Variants in STXBP5L observed in about 807,000 individuals in gnomAD.
STXBP5L encodes syntaxin binding protein 5L.
Under a neutral mutation model 144.5 loss-of-function variants are expected in STXBP5L, and 65 were observed. The ratio of observed to expected loss-of-function variants is 0.45; its 90% CI spans 0.37 to 0.55. STXBP5L has a LOEUF of 0.55. Ranked by LOEUF, STXBP5L falls within the 20% of genes least tolerant of loss-of-function variation. The pLI is 0.00. For synonymous variants in STXBP5L, 505 were observed against 469.6 expected, an observed-to-expected ratio of 1.08 and a Z score of -0.97; for missense variants, 1,298 against 1,405.5, an observed-to-expected ratio of 0.92 and a Z score of 1.22.
intron 5 of STXBP5L, among the ~76,000 whole-genome samples, chr3:121,084,968 A>T (rs1466961318): frequency 6.6e-6 from 1 of 151,998 alleles, no homozygotes; most frequent in African/African-American, 2.4e-5. Context: ...ATGATCAATG[A>T]TGTTGACTTT....
At chr3:121,046,566 T>G (rs1449853056) in intron 5 of STXBP5L, among the ~76,000 whole-genome samples, 1 of 152,148 alleles carries the variant, frequency 6.6e-6, no homozygotes, top group East Asian at 1.9e-4. Flanking sequence ...AGGGATTCAA[T>G]TTCTCCCTGG....
chr3:121,260,061 C>T lies in STXBP5L; in HGVS notation c.1958+893C>T, dbSNP rs115920746. Among the ~76,000 whole-genome samples the T allele has an allele frequency of 4.0e-3, 607 of 152,138 alleles. 5 individuals are homozygous for T. The highest frequency in any genetic ancestry group is 7.3e-3 in the South Asian group (35 of 4,824). On this transcript the variant is annotated intron_variant, in intron 18 of 26. Transcript: ENST00000471454. ...AGGTTGTGTCAAACTATACTCCCAC[C>T]ACCAATGTTTAGAATGTCTACTTTC...
intron 3 of STXBP5L, among the ~76,000 whole-genome samples, chr3:121,033,858 A>T (rs995875091): frequency 6.6e-6 from 1 of 152,072 alleles, no homozygotes; most frequent in African/African-American, 2.4e-5. Context: ...CAGCCTGTGA[A>T]AACATGAATT....
At chr3:121,043,371 G>A (rs1237108506) in intron 4 of STXBP5L, among the ~76,000 whole-genome samples, 3 of 151,986 alleles carry the variant, frequency 2.0e-5, no homozygotes, top group Non-Finnish European at 2.9e-5. Context: ...TAGTGGTACC[G>A]TTCACTTCTC....
chr3:121,044,903 C>G (rs1947404495), intron 4 of STXBP5L, among the ~76,000 whole-genome samples: 3 of 151,910 alleles, frequency 2.0e-5, no homozygotes, highest in Admixed American at 6.6e-5. Flanking sequence ...TGGATATTTC[C>G]TTTATAATTG....
chr3:121,188,389 A>G (rs2047490074), intron 9 of STXBP5L, among the ~76,000 whole-genome samples: 3 of 152,146 alleles, frequency 2.0e-5, no homozygotes, highest in Non-Finnish European at 4.4e-5. Flanking sequence ...AACTCACTCA[A>G]AACTGCTCAA....
At position 121,124,576 on chromosome 3, in the gene STXBP5L, A is replaced by T. The variant is rs531520883; in HGVS notation, c.669+2872A>T. On this transcript the variant is annotated intron_variant, in intron 7 of 26. Coordinates refer to ENST00000471454, the MANE Select transcript of STXBP5L (RefSeq NM_001308330.2). ...ACTTGTGACTTAATCTTCTTAAAGA[A>T]GTTTCATAACTGATTATCTTTAGAT... Among the ~76,000 whole-genome samples, 7 of 152,208 alleles carry T rather than the reference A, an allele frequency of 4.6e-5. No homozygotes were observed. The South Asian group carries it at 1.0e-3, about 23-fold the overall frequency.
In STXBP5L at chr3:121,151,887, A is replaced by G. The variant is rs982115679; in HGVS notation, c.670-590A>G. ...TAAAGATGATCATATTATAATCATGATATGTTCTAAAATTCTTCTATTTTA... is the reference window on the plus strand; with the variant it reads ...TAAAGATGATCATATTATAATCATGGTATGTTCTAAAATTCTTCTATTTTA... On this transcript the variant is annotated intron_variant, in intron 7 of 26. Coordinates refer to ENST00000471454, the MANE Select transcript of STXBP5L (RefSeq NM_001308330.2). Among the ~76,000 whole-genome samples the G allele has an allele frequency of 3.3e-5, 5 of 151,990 alleles. No homozygotes were observed. The South Asian group carries it at 8.3e-4, about 25-fold the overall frequency.
At chr3:121,290,202 T>A (rs1240474671) in intron 19 of STXBP5L, among the ~76,000 whole-genome samples, 2 of 151,868 alleles carry the variant, frequency 1.3e-5, no homozygotes, top group Non-Finnish European at 2.9e-5. Context: ...TAAACTCAAT[T>A]AGAAACAAAT....
At chr3:120,978,116 C>T (rs1014040681) in intron 3 of STXBP5L, among the ~76,000 whole-genome samples, 2 of 152,180 alleles carry the variant, frequency 1.3e-5, no homozygotes, top group Non-Finnish European at 2.9e-5. Flanking sequence ...GGGAAATTCT[C>T]CTGGATAATA....
chr3:121,132,290 T>C (rs2045027637), intron 7 of STXBP5L, among the ~76,000 whole-genome samples: 1 of 152,148 alleles, frequency 6.6e-6, no homozygotes, highest in South Asian at 2.1e-4. Context: ...CCCAGCTTCT[T>C]TGGGGGTGCC....
intron 5 of STXBP5L, among the ~76,000 whole-genome samples, chr3:121,051,881 T>G (rs1160321579): frequency 6.6e-6 from 1 of 151,566 alleles, no homozygotes; most frequent in South Asian, 2.1e-4. Context: ...ATCAAATAGA[T>G]GCAATAAAAA....
At chr3:121,171,261 G>A (rs552415610) in intron 9 of STXBP5L, among the ~76,000 whole-genome samples, 66 of 152,244 alleles carry the variant, frequency 4.3e-4, no homozygotes, top group African/African-American at 1.6e-3. Context: ...TACTCAATGG[G>A]CAAAAGCTGT....
intron 10 of STXBP5L, among the ~76,000 whole-genome samples, chr3:121,212,039 T>G (rs2048594184): frequency 6.6e-6 from 1 of 152,232 alleles, no homozygotes. Flanking sequence ...TTCATATACT[T>G]CGCCAACTTT....
intron 19 of STXBP5L, among the ~76,000 whole-genome samples, chr3:121,301,662 G>C (rs1247107860): frequency 6.6e-6 from 1 of 152,156 alleles, no homozygotes; most frequent in Non-Finnish European, 1.5e-5. Flanking sequence ...TGCCCATTCA[G>C]GATGATATTG....
chr3:121,086,541 G>A (rs1359990628), intron 5 of STXBP5L, among the ~76,000 whole-genome samples: 2 of 152,044 alleles, frequency 1.3e-5, no homozygotes, highest in Non-Finnish European at 2.9e-5. Context: ...ATACGGTACA[G>A]GTTTGTAGCC....
At chr3:121,046,259 G>C (rs898348458) in intron 5 of STXBP5L, among the ~76,000 whole-genome samples, 2 of 152,116 alleles carry the variant, frequency 1.3e-5, no homozygotes, top group African/African-American at 2.4e-5. Flanking sequence ...GCAGGATTCA[G>C]TTTGCTAGTA....
chr3:121,191,093 C>T (rs565115164), intron 9 of STXBP5L, among the ~76,000 whole-genome samples: 60 of 151,482 alleles, frequency 4.0e-4, no homozygotes, highest in African/African-American at 1.2e-3. Flanking sequence ...ACATCCCAGA[C>T]GATGGGCGGC....
chr3:121,042,106 C>T (rs769370315), intron 4 of STXBP5L, among the ~76,000 whole-genome samples: 3 of 151,962 alleles, frequency 2.0e-5, no homozygotes, highest in Non-Finnish European at 4.4e-5. Context: ...CACTTCCCAC[C>T]AACTTAAATT....
Sources: gnomAD v4.1 joint callset for allele counts (sites outside exome capture counted in the v4.1 genomes callset) on GRCh38, gnomAD v4.1.1 for gene constraint, MANE v1.5 for transcripts, NCBI Gene and HGNC (gene_info 2026-07-23, HGNC 2026-07-21) for gene names.